Variants in TENM3 observed in about 807,000 individuals in gnomAD.
TENM3 encodes the protein teneurin transmembrane protein 3, also known as teneurin-3.
Under a neutral mutation model 255.1 loss-of-function variants are expected in TENM3, and 63 were observed. The ratio of observed to expected loss-of-function variants is 0.25; its 90% confidence interval spans 0.20 to 0.30. The LOEUF (loss-of-function observed/expected upper bound fraction) is 0.30, where lower values mean the gene tolerates loss of function less well. Ranked by LOEUF, TENM3 falls within the 10% of genes least tolerant of loss-of-function variation. The pLI is 1.00. For synonymous variants in TENM3, 1,306 were observed against 1,322.3 expected (o/e 0.99, Z 0.27); for missense variants, 2,929 against 3,461.1 (o/e 0.85, Z 3.86).
chr4:181,714,190 C>T, the TENM3 span, among the ~76,000 whole-genome samples: 2 of 152,150 alleles, frequency 1.3e-5, no homozygotes, highest in African/African-American at 4.8e-5. Flanking sequence ...AATCCAAACA[C>T]CTTGGGAGGC....
chr4:182,080,155 C>T, the TENM3 span, among the ~76,000 whole-genome samples: 1 of 152,196 alleles, frequency 6.6e-6, no homozygotes, highest in Non-Finnish European at 1.5e-5. Flanking sequence ...ATCACCTCTG[C>T]CTAACCCACG....
At chr4:182,731,933 C>A (rs940643989) in intron 16 of TENM3, among the ~76,000 whole-genome samples, 1 of 151,874 alleles carries the variant, frequency 6.6e-6, no homozygotes, top group African/African-American at 2.4e-5. Context: ...AGGCGACTGC[C>A]ACCAAGCCAA....
chr4:181,591,129 G>T, the TENM3 span, among the ~76,000 whole-genome samples: 4 of 152,154 alleles, frequency 2.6e-5, no homozygotes, highest in Non-Finnish European at 5.9e-5. Flanking sequence ...TGTTGACCAA[G>T]ATTCTTGCAA....
chr4:181,623,202 G>A, the TENM3 span, among the ~76,000 whole-genome samples: 16 of 152,166 alleles, frequency 1.1e-4, no homozygotes, highest in East Asian at 3.9e-4. Context: ...TTTACAAGCC[G>A]TGCGACATTA....
At chr4:182,642,668 C>G (rs926650184) in intron 5 of TENM3, among the ~76,000 whole-genome samples, 12 of 152,166 alleles carry the variant, frequency 7.9e-5, no homozygotes, top group Middle Eastern at 3.2e-3. Flanking sequence ...CATTCTGTAT[C>G]TCCCTCCAAA....
At chr4:182,255,602 A>C (rs959159688) in intron 1 of TENM3, among the ~76,000 whole-genome samples, 3 of 152,188 alleles carry the variant, frequency 2.0e-5, no homozygotes, top group African/African-American at 7.2e-5. Context: ...GTCAGAGATC[A>C]TTGTGGCACC....
intron 16 of TENM3, among the ~76,000 whole-genome samples, chr4:182,735,733 A>G (rs1167764863): frequency 6.6e-6 from 1 of 152,222 alleles, no homozygotes; most frequent in Non-Finnish European, 1.5e-5. Context: ...AAGCCTATGA[A>G]GAGCTGTTCT....
chr4:182,080,201 G>C, the TENM3 span, among the ~76,000 whole-genome samples: 10 of 152,192 alleles, frequency 6.6e-5, no homozygotes, highest in Non-Finnish European at 4.4e-5. Context: ...TGTGGAAATA[G>C]TTCCACCTGA....
the TENM3 span, among the ~76,000 whole-genome samples, chr4:181,493,060 G>C: frequency 0.12 from 18,371 of 151,812 alleles, 1,455 homozygotes; most frequent in South Asian, 0.23. Context: ...GCACCAGGGA[G>C]GTTTTGGCAC....
the TENM3 span, among the ~76,000 whole-genome samples, chr4:181,647,752 A>T: frequency 1.3e-5 from 2 of 152,176 alleles, no homozygotes; most frequent in Non-Finnish European, 2.9e-5. Flanking sequence ...GAATAGTGTT[A>T]AGAAAACAAG....
the TENM3 span, among the ~76,000 whole-genome samples, chr4:182,054,967 G>T: frequency 1.2e-4 from 19 of 152,236 alleles, no homozygotes; most frequent in African/African-American, 4.6e-4. Flanking sequence ...AAGTTTATCT[G>T]CGAGCCTATT....
At chr4:181,854,876 A>G in the TENM3 span, among the ~76,000 whole-genome samples, 1 of 152,224 alleles carries the variant, frequency 6.6e-6, no homozygotes, top group East Asian at 1.9e-4. Flanking sequence ...GATTAATAAT[A>G]GAGACTACAG....
the TENM3 span, among the ~76,000 whole-genome samples, chr4:182,059,901 C>T: frequency 6.6e-6 from 1 of 151,896 alleles, no homozygotes; most frequent in African/African-American, 2.4e-5. Context: ...CCACTGCACT[C>T]CAGTCTGGGT....
the TENM3 span, among the ~76,000 whole-genome samples, chr4:181,987,838 G>A: frequency 6.6e-6 from 1 of 151,912 alleles, no homozygotes; most frequent in Non-Finnish European, 1.5e-5. Flanking sequence ...AATGTAATAA[G>A]GGCAGAAGGA....
chr4:182,595,504 T>G (rs946617078), intron 3 of TENM3, among the ~76,000 whole-genome samples: 8 of 152,196 alleles, frequency 5.3e-5, no homozygotes, highest in African/African-American at 1.4e-4. Flanking sequence ...GCAGTCTTTA[T>G]TATCTAATCT....
At chr4:181,758,778 A>G in the TENM3 span, among the ~76,000 whole-genome samples, 1 of 152,216 alleles carries the variant, frequency 6.6e-6, no homozygotes, top group African/African-American at 2.4e-5. Context: ...TCACAAAGAT[A>G]TTACATTTGA....
chr4:181,948,779 AC>A, the TENM3 span, among the ~76,000 whole-genome samples: 1 of 151,502 alleles, frequency 6.6e-6, no homozygotes, highest in African/African-American at 2.4e-5. Flanking sequence ...AAGTACCCCC[AC>A]CCCCACTGTC....
chr4:181,887,275 A>G, the TENM3 span, among the ~76,000 whole-genome samples: 62 of 151,632 alleles, frequency 4.1e-4, no homozygotes, highest in African/African-American at 1.4e-3. Context: ...TAGATAGGAC[A>G]TTTTACAGCC....
chr4:181,833,719 T>G, the TENM3 span, among the ~76,000 whole-genome samples: 1 of 151,964 alleles, frequency 6.6e-6, no homozygotes, highest in Admixed American at 6.6e-5. Flanking sequence ...CTGGAAACTT[T>G]TTTTTTTTGT....
Sources: gnomAD v4.1 joint callset for allele counts (sites outside exome capture counted in the v4.1 genomes callset) on GRCh38, gnomAD v4.1.1 for gene constraint, MANE v1.5 for transcripts, NCBI Gene and HGNC (gene_info 2026-07-23, HGNC 2026-07-21) for gene names.